FBXL5: variants seen among roughly 807,000 people sequenced by gnomAD.
FBXL5 encodes the protein F-box and leucine rich repeat protein 5.
A neutral mutation model predicts 78.3 loss-of-function variants in FBXL5; 26 were observed. The observed-to-expected ratio is 0.33, with a 90% CI of 0.24 to 0.46. The LOEUF is 0.46. FBXL5 is among the 20% of genes least tolerant of loss of function. The pLI, the probability that FBXL5 is intolerant of heterozygous loss-of-function variation, is 1.00. For missense variants in FBXL5, 710 were observed against 829.2 expected (o/e 0.86, Z 1.77); for synonymous variants, 295 against 282.5 (o/e 1.04, Z -0.45).
At chr4:15,659,696 C>G, upstream of FBXL5, 1 of 982,502 alleles carries the variant, frequency 1.0e-6, no homozygotes, top group East Asian at 1.1e-4. Context: ...AAGAGCCTTC[C>G]ATTTCCCAAA....
intron 10 of FBXL5, among the ~76,000 whole-genome samples, chr4:15,611,120 A>AT (rs1272528851): frequency 1.3e-5 from 2 of 151,936 alleles, no homozygotes; most frequent in Non-Finnish European, 2.9e-5. Flanking sequence ...TTCCTTGATT[A>AT]TACACAGAAG....
intron 1 of FBXL5, among the ~76,000 whole-genome samples, chr4:15,673,489 A>G (rs1247002718): frequency 6.6e-6 from 1 of 152,160 alleles, no homozygotes; most frequent in African/African-American, 2.4e-5. Context: ...AAGACAGTAG[A>G]CCAGCATCAC....
intron 2 of FBXL5, among the ~76,000 whole-genome samples, 197 bp from the exon 3 acceptor site, chr4:15,641,080 C>A (rs922250594): frequency 1.3e-5 from 2 of 151,964 alleles, no homozygotes; most frequent in South Asian, 4.2e-4. Context: ...TGTATGTAAC[C>A]CCATATTTTT....
At chr4:15,643,197 G>C (rs567042070) in intron 2 of FBXL5, among the ~76,000 whole-genome samples, 196 of 152,262 alleles carry the variant, frequency 1.3e-3, no homozygotes, top group African/African-American at 4.5e-3. Flanking sequence ...TAGCTACTAA[G>C]TATTCTTCCA....
chr4:15,656,428 G>A (rs761205409), upstream of FBXL5: 4 of 387,122 alleles, frequency 1.0e-5, no homozygotes, highest in Non-Finnish European at 2.1e-5. Flanking sequence ...AGAACCTCCA[G>A]GAGGGCAAGA....
chr4:15,609,390 A>C (rs1414380476), intron 10 of FBXL5, among the ~76,000 whole-genome samples: 1 of 152,072 alleles, frequency 6.6e-6, no homozygotes, highest in Non-Finnish European at 1.5e-5. Flanking sequence ...CCAGACTTTT[A>C]TTATTGAATA....
intron 1 of FBXL5, among the ~76,000 whole-genome samples, chr4:15,665,392 A>G (rs1368039073): frequency 6.6e-6 from 1 of 152,078 alleles, no homozygotes; most frequent in African/African-American, 2.4e-5. Context: ...TCTCTCCAAC[A>G]ACGGCTTATT....
intron 9 of FBXL5, among the ~76,000 whole-genome samples, chr4:15,619,125 T>G (rs1003041073): frequency 2.0e-5 from 3 of 152,132 alleles, no homozygotes; most frequent in Non-Finnish European, 2.9e-5. Flanking sequence ...ATAGCACCAC[T>G]GCATTCCCAA....
At chr4:15,668,701 A>C (rs1717644036) in intron 1 of FBXL5, among the ~76,000 whole-genome samples, 1 of 152,142 alleles carries the variant, frequency 6.6e-6, no homozygotes, top group African/African-American at 2.4e-5. Context: ...TAAGATGCTG[A>C]ACTCACTGAC....
intron 1 of FBXL5, among the ~76,000 whole-genome samples, chr4:15,652,912 T>C (rs1205762543): frequency 6.6e-6 from 1 of 152,184 alleles, no homozygotes; most frequent in East Asian, 1.9e-4. Flanking sequence ...CCTTGGTCTA[T>C]ACAACCAAAG....
At chr4:15,660,076 C>G (rs1002811875), upstream of FBXL5, among the ~76,000 whole-genome samples, 1 of 151,824 alleles carries the variant, frequency 6.6e-6, no homozygotes, top group African/African-American at 2.4e-5. Flanking sequence ...CCTCCCTACC[C>G]CTGACATTTT....
At chr4:15,627,165 C>T (rs865895550) in intron 7 of FBXL5, among the ~76,000 whole-genome samples, 16 of 136,976 alleles carry the variant, frequency 1.2e-4, no homozygotes, top group South Asian at 7.1e-4. Context: ...GACAGAGTCT[C>T]GCTCTGTCAC....
At chr4:15,644,049 C>CA (rs1272401531) in intron 2 of FBXL5, among the ~76,000 whole-genome samples, 1 of 152,200 alleles carries the variant, frequency 6.6e-6, no homozygotes, top group Non-Finnish European at 1.5e-5. Context: ...CCAGTTTCAG[C>CA]AAAAATCCTG....
At chr4:15,661,347 G>T (rs912343291), upstream of FBXL5, among the ~76,000 whole-genome samples, 3 of 152,140 alleles carry the variant, frequency 2.0e-5, no homozygotes, top group Non-Finnish European at 4.4e-5. Context: ...TCTGTAAAGG[G>T]ATAGTGAGTC....
intron 9 of FBXL5, among the ~76,000 whole-genome samples, chr4:15,624,198 A>G (rs1712774935): frequency 6.6e-6 from 1 of 152,164 alleles, no homozygotes; most frequent in Non-Finnish European, 1.5e-5. Flanking sequence ...ATTCTTCATT[A>G]TAAAATATCT....
At chr4:15,648,875 C>G (rs1293726705) in intron 1 of FBXL5, among the ~76,000 whole-genome samples, 1 of 152,120 alleles carries the variant, frequency 6.6e-6, no homozygotes, top group Non-Finnish European at 1.5e-5. Context: ...ACCACTCCCA[C>G]ACAAAGGGTA....
intron 1 of FBXL5, among the ~76,000 whole-genome samples, chr4:15,648,601 T>A (rs1483307717): frequency 6.6e-6 from 1 of 152,080 alleles, no homozygotes; most frequent in Non-Finnish European, 1.5e-5. Context: ...GACAGCTAAG[T>A]GAAATAAGCC....
At chr4:15,630,462 AAAT>A (rs1234758048) in intron 6 of FBXL5, among the ~76,000 whole-genome samples, 1 of 152,238 alleles carries the variant, frequency 6.6e-6, no homozygotes, top group Non-Finnish European at 1.5e-5. Flanking sequence ...TAAAAACGAG[AAAT>A]AATCCTATGC....
chr4:15,634,363 T>C (rs552699048), intron 5 of FBXL5, among the ~76,000 whole-genome samples: 43 of 151,906 alleles, frequency 2.8e-4, no homozygotes, highest in Admixed American at 9.2e-4. Flanking sequence ...TAATTTTTTT[T>C]CTTTTTTGTT....
Sources: allele counts gnomAD v4.1 joint callset (sites outside exome capture counted in the v4.1 genomes callset), GRCh38; gene constraint gnomAD v4.1.1; transcripts MANE v1.5; gene names NCBI Gene and HGNC (gene_info 2026-07-23, HGNC 2026-07-21).